Variants in RYR1 observed in about 807,000 individuals in gnomAD.
RYR1 encodes ryanodine receptor 1, also known as central core disease of muscle.
In RYR1, 342 loss-of-function variants were observed where a neutral mutation model predicts 583.5. The observed-to-expected ratio is 0.59, with a 90% CI of 0.54 to 0.64. RYR1 has a LOEUF of 0.64. RYR1 is among the 30% of genes least tolerant of loss of function. The pLI, the probability that RYR1 is intolerant of heterozygous loss-of-function variation, is 0.00. For synonymous variants in RYR1, 2,791 were observed against 2,822.5 expected, an observed-to-expected ratio of 0.99 and a Z score of 0.35; for missense variants, 6,032 against 6,917.2, an observed-to-expected ratio of 0.87 and a Z score of 4.54.
intron 1 of RYR1, among the ~76,000 whole-genome samples, chr19:38,439,197 T>C (rs569105292): frequency 2.0e-5 from 3 of 151,802 alleles, no homozygotes; most frequent in African/African-American, 7.3e-5. Context: ...TTTTTTTTTT[T>C]GTTTGTTTTT....
At chr19:38,478,731 C>T (rs1443482281) in intron 31 of RYR1, 131 bp downstream of exon 31, 15 of 965,026 alleles carry the variant, frequency 1.6e-5, no homozygotes, top group Admixed American at 3.9e-5. Context: ...CTCAAGAGGT[C>T]GCTGGGAGAC....
In RYR1 at chr19:38,495,911, C is replaced by T. The variant is rs530578030; in HGVS notation, c.6549-304C>T. Among the ~76,000 whole-genome samples, 8 of 152,168 alleles carry T rather than the reference C, an allele frequency of 5.3e-5. No individual in the cohort carries two copies. The South Asian group carries it at 8.3e-4, about 16-fold the overall frequency. ...CTGCGTAGCTGGGATTACGGGTATG[C>T]GCCACCACGCCTGGCTAATTTTTGT... On this transcript the variant is annotated intron_variant, in intron 39 of 105. Coordinates refer to ENST00000359596, the MANE Select transcript of RYR1 (RefSeq NM_000540.3).
chr19:38,559,984 C>G (rs1163195722), intron 89 of RYR1, among the ~76,000 whole-genome samples: 1 of 150,044 alleles, frequency 6.7e-6, no homozygotes, highest in Non-Finnish European at 1.5e-5. Flanking sequence ...TGAGTGCGGT[C>G]AAGAACATTT....
At position 38,446,492 on chromosome 19, in the gene RYR1, G is replaced by A. The variant is rs193922759; in HGVS notation, c.652G>A (p.Val218Ile). The A allele has an allele frequency of 2.4e-5, 38 of 1,613,994 alleles. No individual in the cohort carries two copies. Among genetic ancestry groups the A allele is most frequent in the East Asian group, 1.1e-4 (5 of 44,898 alleles). ...TCCAGGCTTCGTGACGGGAGGTCACGTCCTCCGCCTCTTTCATGGACATAT... is the reference window on the plus strand; with the variant it reads ...TCCAGGCTTCGTGACGGGAGGTCACATCCTCCGCCTCTTTCATGGACATAT... ...CEEGFVTGGH[V>I]LRLFHGHMDE... The change falls in exon 8 of 106, where the codon GTC (valine) becomes ATC (isoleucine). Residue 218 changes from valine to isoleucine, a missense_variant. Coordinates refer to ENST00000359596, the MANE Select transcript of RYR1 (RefSeq NM_000540.3).
rs141444745 is a variant in RYR1, at chr19:38,567,861, G to A, written c.13603G>A (p.Glu4535Lys). 1.1e-5 allele frequency: 17 copies of A among 1,613,916 alleles called. No homozygotes were observed. The African/African-American group carries it at 2.0e-4, about 19-fold the overall frequency. Reference sequence around the variant, plus strand: ...ACCTCCCTCACCCCCTCCAAAGAAGGAGGAAGCTGGAGGCGAATTCTGGGG... The same window carrying A: ...ACCTCCCTCACCCCCTCCAAAGAAGAAGGAAGCTGGAGGCGAATTCTGGGG... ...QAPPSPPPKK[E>K]EAGGEFWGEL... Residue 4535 changes from glutamate to lysine, a missense_variant, in exon 93 of 106, where the codon GAG (glutamate) becomes AAG (lysine). Transcript: ENST00000359596.
intron 31 of RYR1, among the ~76,000 whole-genome samples, chr19:38,481,809 C>T (rs147453663): frequency 0.027 from 4,044 of 151,542 alleles, 181 homozygotes; most frequent in African/African-American, 0.091. Flanking sequence ...TAAAATGGGC[C>T]GGGCGTGGTG....
intron 2 of RYR1, among the ~76,000 whole-genome samples, chr19:38,441,823 G>A (rs1382520670): frequency 6.6e-6 from 1 of 151,930 alleles, no homozygotes; most frequent in African/African-American, 2.4e-5. Context: ...GACTGAGGAG[G>A]GAGTATAAGG....
At chr19:38,456,645 T>G (rs976249396) in intron 16 of RYR1, among the ~76,000 whole-genome samples, 4 of 152,118 alleles carry the variant, frequency 2.6e-5, no homozygotes, top group Non-Finnish European at 5.9e-5. Context: ...TGTATATATA[T>G]ACACACACTC....
intron 39 of RYR1, 144 bp downstream of exon 39, chr19:38,494,769 A>G (rs1350617528): frequency 9.9e-7 from 1 of 1,005,588 alleles, no homozygotes. Flanking sequence ...CTCCTGGGTA[A>G]TGTCTCCTTC....
chr19:38,536,738 T>A lies in RYR1; in HGVS notation c.11591-12T>A. On this transcript the variant is annotated splice_polypyrimidine_tract_variant and intron_variant, in intron 82 of 105. Coordinates refer to ENST00000359596, the MANE Select transcript of RYR1 (RefSeq NM_000540.3). ...CTCCTGCTTCCTCCTCCCATCCTGT[T>A]GGCTGCCCCAGTCATCAATCGCCAG... 6.2e-7 allele frequency: 1 copy of A among 1,613,944 alleles called. No homozygotes were observed. The highest frequency in any genetic ancestry group is 8.5e-7 in the Non-Finnish European group (1 of 1,179,950).
In RYR1 at chr19:38,512,505, G is replaced by A. The variant is rs1318812584; in HGVS notation, c.9472+22G>A. 1 of 1,603,688 alleles carries A rather than the reference G, an allele frequency of 6.2e-7. No homozygotes were observed. The highest frequency in any genetic ancestry group is 8.5e-7 in the Non-Finnish European group (1 of 1,178,106). ...ATCCGTAAGGGCGCCTGACCCAAGG[G>A]CAGGTTGCGGGGAGTCAGTGTGGCC... On this transcript the variant is annotated intron_variant, in intron 63 of 105. Transcript: ENST00000359596. This position sits in a 1 kb window ranked among gnomAD's most constrained non-coding sequence, Gnocchi z 5.1.
At chr19:38,560,997 C>T (rs1973105991) in intron 89 of RYR1, 116 bp from the exon 90 acceptor site, 7 of 901,024 alleles carry the variant, frequency 7.8e-6, no homozygotes, top group East Asian at 5.3e-5. Flanking sequence ...GCTGTGATTG[C>T]GCCACTGCAC....
intron 96 of RYR1, among the ~76,000 whole-genome samples, chr19:38,574,608 A>G (rs573929659): frequency 5.3e-5 from 8 of 152,040 alleles, no homozygotes; most frequent in African/African-American, 1.9e-4. Flanking sequence ...CTTCAGCCTG[A>G]GTGACAGAGC....
chr19:38,576,265 G>C (rs1973951664), intron 97 of RYR1, among the ~76,000 whole-genome samples: 1 of 151,640 alleles, frequency 6.6e-6, no homozygotes, highest in Non-Finnish European at 1.5e-5. Context: ...AGCAGCCTGG[G>C]CAACATGGCA....
chr19:38,448,503 A>G lies in RYR1; in HGVS notation c.949A>G (p.Ile317Val), dbSNP rs763765599. 64 of 1,613,906 alleles carry G rather than the reference A, an allele frequency of 4.0e-5. No individual in the cohort carries two copies. Among genetic ancestry groups the G allele is most frequent in the Non-Finnish European group, 5.3e-5 (63 of 1,179,982 alleles). ...CAAGGCTACCTCCTTCTGCTTCCGC[A>G]TCTCCAAGGTCAGTGGGGTTTGTGG... ...HTKATSFCFR[I>V]SKEKLDVAPK... The change falls in exon 10 of 106, where the codon ATC (isoleucine) becomes GTC (valine). Residue 317 changes from isoleucine (I) to valine (V), a missense_variant. By Grantham distance (29) the Ile-to-Val change is conservative (BLOSUM62 3). This residue lies in a region of RYR1 where 338 missense variants were observed against 441.6 expected (regional missense o/e 0.77). Transcript: ENST00000359596.
At chr19:38,443,659 C>T (rs777354445) in intron 4 of RYR1, 27 bp downstream of exon 4, 1 of 1,613,858 alleles carries the variant, frequency 6.2e-7, no homozygotes. Flanking sequence ...TGGGCGTGGG[C>T]AGGGGCCAGG....
At chr19:38,461,949 G>A (rs1160498385) in intron 20 of RYR1, among the ~76,000 whole-genome samples, 1 of 152,004 alleles carries the variant, frequency 6.6e-6, no homozygotes, top group Non-Finnish European at 1.5e-5. Context: ...CAGCTACTCA[G>A]GAGGCTGAGG....
rs199864631 is a variant in RYR1 at position 38,477,721 on chromosome 19, C to T, written c.4305C>T (p.Ser1435=). ...CCTTGTGTCACCAGTACTATTACTCCGTGAGGGTCTTTGCTGGACAGGAGC... is the reference window on the plus strand; with the variant it reads ...CCTTGTGTCACCAGTACTATTACTCTGTGAGGGTCTTTGCTGGACAGGAGC... ...IILNTTTYYY[S]VRVFAGQEPS... is the part of the protein sequence containing the mutation. The change falls in exon 30 of 106, where the codon TCC becomes TCT. Residue 1435 remains serine (S), a synonymous_variant. Transcript: ENST00000359596. 63 of 1,614,026 alleles carry T rather than the reference C, an allele frequency of 3.9e-5. No individual in the cohort carries two copies. In the East Asian group the frequency reaches 1.1e-3, roughly 28 times the overall value.
At chr19:38,458,363 C>T (rs1967538367) in intron 18 of RYR1, 71 bp downstream of exon 18, 12 of 1,502,536 alleles carry the variant, frequency 8.0e-6, no homozygotes, top group Non-Finnish European at 1.1e-5. Flanking sequence ...TCTGACCATA[C>T]ACCTTGGGGT....
Sources: allele counts gnomAD v4.1 joint callset (sites outside exome capture counted in the v4.1 genomes callset), GRCh38; gene constraint gnomAD v4.1.1; regional missense constraint gnomAD v4.1.1; non-coding constraint Gnocchi (gnomAD v3.1); transcripts MANE v1.5; gene names NCBI Gene and HGNC (gene_info 2026-07-23, HGNC 2026-07-21).